The following PBX3 variants were observed in gnomAD, a reference collection of about 807,000 sequenced individuals.
PBX3 encodes pre-B-cell leukemia transcription factor 3.
Under a neutral mutation model 48.5 loss-of-function variants are expected in PBX3, and 14 were observed. The ratio of observed to expected loss-of-function variants is 0.29; its 90% CI spans 0.19 to 0.45. The LOEUF (loss-of-function observed/expected upper bound fraction) is 0.45. PBX3 is among the 20% of genes least tolerant of loss of function. PBX3 has a pLI of 1.00. For synonymous variants in PBX3, 210 were observed against 200.3 expected (o/e 1.05, Z -0.41); for missense variants, 386 against 546.7 (o/e 0.71, Z 2.93).
intron 3 of PBX3, 138 bp downstream of exon 3, chr9:125,916,065 A>T (rs1471735421): frequency 7.9e-7 from 1 of 1,265,410 alleles, no homozygotes; most frequent in Non-Finnish European, 1.1e-6. Context: ...GCAAAAATCC[A>T]AGTGAATTGT....
At chr9:125,867,266 G>A (rs571071063) in intron 2 of PBX3, among the ~76,000 whole-genome samples, 4 of 151,884 alleles carry the variant, frequency 2.6e-5, no homozygotes, top group African/African-American at 7.3e-5. Flanking sequence ...AAGAATAGAA[G>A]CCATGGGTAA....
chr9:125,896,210 C>T (rs1178250491), intron 2 of PBX3, among the ~76,000 whole-genome samples: 1 of 151,904 alleles, frequency 6.6e-6, no homozygotes, highest in African/African-American at 2.4e-5. Flanking sequence ...CCCTAGTAAC[C>T]GACAAGGTAA....
intron 2 of PBX3, among the ~76,000 whole-genome samples, chr9:125,897,934 C>T (rs897101644): frequency 2.6e-5 from 4 of 151,710 alleles, no homozygotes; most frequent in Admixed American, 6.6e-5. Flanking sequence ...GATACTAATG[C>T]GACTTACTTT....
intron 2 of PBX3, among the ~76,000 whole-genome samples, chr9:125,912,037 T>C (rs1841215708): frequency 6.6e-6 from 1 of 152,140 alleles, no homozygotes; most frequent in Non-Finnish European, 1.5e-5. Flanking sequence ...CCAGTGGGCT[T>C]GGTCCTTGAA....
chr9:125,922,046 G>A (rs1841468572), intron 3 of PBX3, among the ~76,000 whole-genome samples: 1 of 152,032 alleles, frequency 6.6e-6, no homozygotes, highest in Admixed American at 6.6e-5. Flanking sequence ...AGGCAAAAAC[G>A]AGGTTGAATC....
At chr9:125,805,931 T>C (rs1201927431) in intron 2 of PBX3, among the ~76,000 whole-genome samples, 1 of 152,234 alleles carries the variant, frequency 6.6e-6, no homozygotes, top group Non-Finnish European at 1.5e-5. Context: ...CTTATCCTAA[T>C]AGAGCTTAGC....
chr9:125,859,650 C>G (rs1839811147), intron 2 of PBX3, among the ~76,000 whole-genome samples: 1 of 152,120 alleles, frequency 6.6e-6, no homozygotes, highest in South Asian at 2.1e-4. Context: ...CACAGGATAC[C>G]ACATGATCCA....
chr9:125,834,187 G>A (rs1041131826), intron 2 of PBX3, among the ~76,000 whole-genome samples: 6 of 152,150 alleles, frequency 3.9e-5, no homozygotes. Context: ...ACATTATGAA[G>A]TATTGACTGA....
chr9:125,914,118 T>TA (rs1381979562), intron 2 of PBX3, among the ~76,000 whole-genome samples: 3 of 152,174 alleles, frequency 2.0e-5, no homozygotes, highest in Non-Finnish European at 4.4e-5. Context: ...CCCTTTTAGT[T>TA]ATAGAAGAAA....
chr9:125,794,997 G>T (rs1020606454), intron 2 of PBX3, among the ~76,000 whole-genome samples: 11 of 152,258 alleles, frequency 7.2e-5, no homozygotes, highest in Middle Eastern at 3.4e-3. Context: ...TTCTGCCTCC[G>T]GCAGACCAGC....
chr9:125,783,626 GTTT>G (rs1554854544), intron 2 of PBX3, among the ~76,000 whole-genome samples: 3 of 152,026 alleles, frequency 2.0e-5, no homozygotes, highest in Admixed American at 2.0e-4. Context: ...CTAATACTCT[GTTT>G]TTGTTAAAAC....
chr9:125,837,334 ATACT>A (rs1839166231), intron 2 of PBX3, among the ~76,000 whole-genome samples: 1 of 151,012 alleles, frequency 6.6e-6, no homozygotes, highest in Non-Finnish European at 1.5e-5. Flanking sequence ...ATAGAAATGT[ATACT>A]TATTTTGTGT....
intron 2 of PBX3, among the ~76,000 whole-genome samples, chr9:125,893,481 C>T (rs1006340559): frequency 2.0e-5 from 3 of 152,214 alleles, no homozygotes; most frequent in African/African-American, 7.2e-5. Flanking sequence ...ATCTGGAAAT[C>T]TATCCAGTGG....
At chr9:125,874,714 CAG>C (rs1840208058) in intron 2 of PBX3, among the ~76,000 whole-genome samples, 2 of 152,244 alleles carry the variant, frequency 1.3e-5, no homozygotes, top group South Asian at 4.1e-4. Context: ...TGAGGAGCAA[CAG>C]AAACTCTCAT....
intron 3 of PBX3, among the ~76,000 whole-genome samples, chr9:125,926,758 T>A (rs1841587496): frequency 6.6e-6 from 1 of 152,222 alleles, no homozygotes; most frequent in African/African-American, 2.4e-5. Flanking sequence ...AGGCGGAGAT[T>A]GCAGTGAGCC....
chr9:125,917,216 G>C (rs758307113), intron 3 of PBX3, among the ~76,000 whole-genome samples: 1 of 152,138 alleles, frequency 6.6e-6, no homozygotes, highest in Non-Finnish European at 1.5e-5. Flanking sequence ...GTATTTTAAA[G>C]ACTCTTTTAA....
intron 2 of PBX3, among the ~76,000 whole-genome samples, chr9:125,851,842 GTT>G (rs1839588868): frequency 7.1e-6 from 1 of 140,724 alleles, no homozygotes; most frequent in Non-Finnish European, 1.5e-5. Flanking sequence ...TTGTTTAGAA[GTT>G]TAGAGAATTC....
intron 5 of PBX3, among the ~76,000 whole-genome samples, chr9:125,942,676 T>G (rs1841981028): frequency 6.6e-6 from 1 of 152,076 alleles, no homozygotes; most frequent in Non-Finnish European, 1.5e-5. Flanking sequence ...CAGAAACAAG[T>G]TGAAGGAAAA....
chr9:125,925,395 G>A (rs528347682), intron 3 of PBX3, among the ~76,000 whole-genome samples: 2 of 151,968 alleles, frequency 1.3e-5, no homozygotes, highest in Non-Finnish European at 2.9e-5. Flanking sequence ...AGATTTCAAA[G>A]AGTACAAAAA....
Sources: gnomAD v4.1 joint callset for allele counts (sites outside exome capture counted in the v4.1 genomes callset) on GRCh38, gnomAD v4.1.1 for gene constraint, MANE v1.5 for transcripts, NCBI Gene and HGNC (gene_info 2026-07-23, HGNC 2026-07-21) for gene names.